The following PAG1 variants were observed in gnomAD, a reference collection of about 807,000 sequenced individuals.
PAG1 encodes phosphoprotein membrane anchor with glycosphingolipid microdomains 1.
A neutral mutation model predicts 31.7 loss-of-function variants in PAG1; 23 were observed. The observed-to-expected ratio is 0.73, with a 90% CI of 0.52 to 1.03. The LOEUF is 1.03. PAG1 is among the 50% of genes least tolerant of loss of function. PAG1 has a pLI of 0.00. For missense variants in PAG1, 473 were observed against 540.7 expected (o/e 0.87, Z 1.24); for synonymous variants, 214 against 210.3 (o/e 1.02, Z -0.15).
chr8:81,002,281 A>C (rs1807800010), intron 3 of PAG1, among the ~76,000 whole-genome samples: 1 of 152,184 alleles, frequency 6.6e-6, no homozygotes, highest in African/African-American at 2.4e-5. Context: ...AGGTTCAAAA[A>C]TGTACCACTT....
At position 81,056,300 on chromosome 8, in the gene PAG1, C is replaced by T. The variant is rs571931758; in HGVS notation, c.-175+13812G>A. Among the ~76,000 whole-genome samples, 49 of 152,272 alleles carry T rather than the reference C, an allele frequency of 3.2e-4. 1 individual carries two copies. The highest frequency in any genetic ancestry group is 3.6e-4 in the African/African-American group (15 of 41,554). ...CAAAAGAACAAAGCTGGAGGCATCA[C>T]GCTACCTGACTTCAAACTATACTAC... On this transcript the variant is annotated intron_variant, in intron 2 of 8. Coordinates refer to ENST00000220597, the MANE Select transcript of PAG1 (RefSeq NM_018440.4).
At chr8:80,992,197 C>T (rs1807565473) in intron 4 of PAG1, among the ~76,000 whole-genome samples, 1 of 152,224 alleles carries the variant, frequency 6.6e-6, no homozygotes, top group Non-Finnish European at 1.5e-5. Flanking sequence ...CCTCTTTGTT[C>T]ATCTTCCCAA....
chr8:81,003,220 T>G (rs574897863), intron 3 of PAG1, among the ~76,000 whole-genome samples: 1 of 152,196 alleles, frequency 6.6e-6, no homozygotes, highest in Non-Finnish European at 1.5e-5. Context: ...GAAGAGCTGC[T>G]AGATGTATAT....
intron 2 of PAG1, among the ~76,000 whole-genome samples, chr8:81,037,841 C>T (rs567756928): frequency 6.6e-6 from 1 of 152,182 alleles, no homozygotes; most frequent in Non-Finnish European, 1.5e-5. Flanking sequence ...ATACAATGAA[C>T]AAAAAGTAAA....
At position 80,976,339 on chromosome 8, in the gene PAG1, C is replaced by G. The variant is rs1807178117; in HGVS notation, c.*205G>C. 1 of 542,194 alleles carries G rather than the reference C, an allele frequency of 1.8e-6. No individual in the cohort carries two copies. The highest frequency in any genetic ancestry group is 3.2e-6 in the Non-Finnish European group (1 of 307,986). 33.6% of individuals were successfully genotyped at this position (542,194 alleles called of 1,614,324 possible). The stretch of plus-strand genomic sequence containing the variant: ...TGGGTGTACCTGTCCATCTGGCAGG[C>G]AGGGGCACACTCAGGTGCAGCCTAG... On this transcript the variant is annotated 3_prime_UTR_variant, in exon 9 of 9. Coordinates refer to ENST00000220597, the MANE Select transcript of PAG1 (RefSeq NM_018440.4).
At chr8:81,062,508 C>T (rs138543992) in intron 2 of PAG1, among the ~76,000 whole-genome samples, 3 of 152,286 alleles carry the variant, frequency 2.0e-5, no homozygotes, top group East Asian at 3.9e-4. Context: ...TTCTAATTTT[C>T]TAAGTTTTCC....
In PAG1 at chr8:80,972,395, T is replaced by C. The variant is rs865774615; in HGVS notation, c.*4149A>G. 2 of 152,258 alleles carry C rather than the reference T, an allele frequency of 1.3e-5. No homozygotes were observed. The highest frequency in any genetic ancestry group is 2.9e-5 in the Non-Finnish European group (2 of 68,038). The allele number at this position is 152,258 out of a possible 1,614,324, so 9.4% of individuals were successfully genotyped here. A position where few individuals can be genotyped will look rare whatever the true frequency, so the allele number is the denominator to read the frequency against. On this transcript the variant is annotated 3_prime_UTR_variant, in exon 9 of 9. Coordinates refer to ENST00000220597, the MANE Select transcript of PAG1 (RefSeq NM_018440.4). ...TAATTGAACTAAAGCTCTGTAATTA[T>C]AGCCATGGTATCAGACCAGCTTTTT...
intron 1 of PAG1, among the ~76,000 whole-genome samples, chr8:81,108,650 G>A (rs1809730280): frequency 6.6e-6 from 1 of 152,036 alleles, no homozygotes; most frequent in South Asian, 2.1e-4. Flanking sequence ...TAGTATTTGG[G>A]TGATAACCTA....
chr8:81,036,282 A>C (rs1563637858), intron 2 of PAG1, among the ~76,000 whole-genome samples: 1 of 152,220 alleles, frequency 6.6e-6, no homozygotes, highest in Non-Finnish European at 1.5e-5. Flanking sequence ...TTTATTAATC[A>C]GTGCTCTCTG....
chr8:81,075,705 C>T (rs868710633), intron 1 of PAG1, among the ~76,000 whole-genome samples: 15 of 152,150 alleles, frequency 9.9e-5, no homozygotes, highest in African/African-American at 3.1e-4. Flanking sequence ...AAGTTTCAAA[C>T]CCAAGTGCAC....
At chr8:80,985,450 T>C (rs1807399392) in intron 6 of PAG1, 73 bp from the exon 7 acceptor site, 1 of 1,455,626 alleles carries the variant, frequency 6.9e-7, no homozygotes, top group East Asian at 2.3e-5. Context: ...TCAGGTAATA[T>C]AAAGTTAGGT....
At chr8:81,097,579 A>G (rs1198996720) in intron 1 of PAG1, among the ~76,000 whole-genome samples, 2 of 152,146 alleles carry the variant, frequency 1.3e-5, no homozygotes, top group East Asian at 3.8e-4. Context: ...CAAGACACCT[A>G]TGAAAGAAGT....
chr8:81,016,587 A>G (rs1440241876), intron 3 of PAG1, among the ~76,000 whole-genome samples: 1 of 152,144 alleles, frequency 6.6e-6, no homozygotes, highest in Non-Finnish European at 1.5e-5. Context: ...AACCTGCTCA[A>G]ATGTTACCAT....
At chr8:81,104,731 C>A (rs1343655312) in intron 1 of PAG1, among the ~76,000 whole-genome samples, 1 of 152,140 alleles carries the variant, frequency 6.6e-6, no homozygotes, top group African/African-American at 2.4e-5. Flanking sequence ...CCCTTAATGT[C>A]CCCACGCTTA....
At chr8:81,039,404 T>C (rs1173880328) in intron 2 of PAG1, 1 of 152,194 alleles carries the variant, frequency 6.6e-6, no homozygotes, top group Non-Finnish European at 1.5e-5. Context: ...GAGAATCTCA[T>C]GTGAAGCCTG....
At chr8:81,043,075 G>A (rs1233022974) in intron 2 of PAG1, among the ~76,000 whole-genome samples, 3 of 151,946 alleles carry the variant, frequency 2.0e-5, no homozygotes, top group Non-Finnish European at 2.9e-5. Flanking sequence ...CCTTTAAAAT[G>A]TTGCCCTTTT....
chr8:81,061,423 T>C (rs1466425365), intron 2 of PAG1, among the ~76,000 whole-genome samples: 1 of 152,212 alleles, frequency 6.6e-6, no homozygotes, highest in Non-Finnish European at 1.5e-5. Flanking sequence ...CATGTTGACA[T>C]ACAGTAGTTG....
chr8:81,082,252 C>CAAA (rs748117144), intron 1 of PAG1, among the ~76,000 whole-genome samples: 23 of 47,962 alleles, frequency 4.8e-4, no homozygotes, highest in African/African-American at 9.8e-4. Flanking sequence ...GACTCTGTCT[C>CAAA]AAAAAAAAAA....
chr8:81,072,027 C>G (rs74834780), intron 1 of PAG1, among the ~76,000 whole-genome samples: 3,437 of 152,308 alleles, frequency 0.023, 135 homozygotes, highest in African/African-American at 0.078. Flanking sequence ...GAGAACAGAC[C>G]AGCGGCACAG....
Sources: gnomAD v4.1 joint callset for allele counts (sites outside exome capture counted in the v4.1 genomes callset) on GRCh38, gnomAD v4.1.1 for gene constraint, MANE v1.5 for transcripts, NCBI Gene and HGNC (gene_info 2026-07-23, HGNC 2026-07-21) for gene names.